The following CC2D2B variants were observed in gnomAD, a reference collection of about 807,000 sequenced individuals.
CC2D2B encodes the protein coiled-coil and C2 domain containing 2B, also known as protein CC2D2B.
In CC2D2B, 128 loss-of-function variants were observed where a neutral mutation model predicts 161.2. That is an observed-to-expected ratio of 0.79 (90% CI 0.69 to 0.92). CC2D2B has a LOEUF of 0.92. CC2D2B is among the 40% of genes least tolerant of loss of function. The probability of loss-of-function intolerance (pLI) is 0.00; values close to 1 mark genes in which losing one functional copy is unlikely to be tolerated. For missense variants in CC2D2B, 1,173 were observed against 1,375.1 expected, an observed-to-expected ratio of 0.85 and a Z score of 2.32; for synonymous variants, 391 against 449.8, an observed-to-expected ratio of 0.87 and a Z score of 1.65.
chr10:95,964,057 G>A (rs2076858219), intron 12 of CC2D2B, among the ~76,000 whole-genome samples: 1 of 152,148 alleles, frequency 6.6e-6, no homozygotes, highest in Non-Finnish European at 1.5e-5. Flanking sequence ...GTCTTCACTT[G>A]TGCTCTCTGT....
intron 2 of CC2D2B, among the ~76,000 whole-genome samples, chr10:95,915,348 C>T (rs1195210585): frequency 2.6e-5 from 4 of 152,078 alleles, no homozygotes; most frequent in African/African-American, 9.7e-5. Flanking sequence ...ATTATATCAT[C>T]TCCAAACAAG....
chr10:95,912,010 C>T (rs151287855), intron 2 of CC2D2B, among the ~76,000 whole-genome samples: 105 of 152,188 alleles, frequency 6.9e-4, no homozygotes, highest in African/African-American at 1.8e-3. Context: ...GGTACAAGAA[C>T]GAATAGTAGA....
rs1331959130 is a variant in CC2D2B, at chr10:95,996,255, A to C, written c.2849+3A>C. 3 of 1,324,332 alleles carry C rather than the reference A, an allele frequency of 2.3e-6. No individual in the cohort carries two copies. The highest frequency in any genetic ancestry group is 2.0e-6 in the Non-Finnish European group (2 of 982,822). 82.0% of individuals were successfully genotyped at this position (1,324,332 alleles called of 1,614,324 possible). A position where few individuals can be genotyped will look rare whatever the true frequency, so the allele number is the denominator to read the frequency against. ...GAAGAAATTAAAGTAGATTTTGTGTAAGTTGGAGTTCATTTTTCCATAGCT... is the reference window on the plus strand; with the variant it reads ...GAAGAAATTAAAGTAGATTTTGTGTCAGTTGGAGTTCATTTTTCCATAGCT... On this transcript the variant is annotated splice_donor_region_variant and intron_variant, in intron 24 of 34. Coordinates refer to ENST00000646931, the MANE Select transcript of CC2D2B (RefSeq NM_001349008.3).
intron 22 of CC2D2B, among the ~76,000 whole-genome samples, chr10:95,994,651 T>G (rs939540336): frequency 2.0e-5 from 3 of 152,318 alleles, no homozygotes; most frequent in Non-Finnish European, 4.4e-5. Flanking sequence ...CAAGGAGCCC[T>G]CAAGCGGCCC....
At position 95,935,484 on chromosome 10, in the gene CC2D2B, A is replaced by ATT. The variant is rs58521001; in HGVS notation, c.337-2492_337-2491dup. 2.4e-3 allele frequency among the ~76,000 whole-genome samples: 343 copies of ATT among 140,092 alleles called. 8 individuals are homozygous for ATT. Among genetic ancestry groups the ATT allele is most frequent in the Admixed American group, 0.016 (223 of 14,078 alleles). The allele number at this position is 140,092 out of a possible 152,430, so 91.9% of individuals were successfully genotyped here. On this transcript the variant is annotated intron_variant, in intron 6 of 34. Coordinates refer to ENST00000646931, the MANE Select transcript of CC2D2B (RefSeq NM_001349008.3). ...GTGACCTTGTTAAAATCTAAGACAGATTTTTTTTTTTTTTTTGCTTACACT... is the reference window on the plus strand; with the variant it reads ...GTGACCTTGTTAAAATCTAAGACAGATTTTTTTTTTTTTTTTTTGCTTACACT...
chr10:95,918,527 G>C (rs566240475), intron 2 of CC2D2B, among the ~76,000 whole-genome samples: 1 of 152,202 alleles, frequency 6.6e-6, no homozygotes, highest in Admixed American at 6.5e-5. Context: ...CTTTTCCCTT[G>C]CTGCTTTTAG....
chr10:95,929,639 T>G (rs551667990), intron 6 of CC2D2B, among the ~76,000 whole-genome samples: 1 of 152,342 alleles, frequency 6.6e-6, no homozygotes, highest in Admixed American at 6.5e-5. Flanking sequence ...CCAACACCAT[T>G]GATTAAATAG....
At chr10:96,018,809 T>A (rs866766166) in intron 30 of CC2D2B, 1 of 153,562 alleles carries the variant, frequency 6.5e-6, no homozygotes, top group Non-Finnish European at 1.4e-5. Flanking sequence ...GTTGTTTGTT[T>A]GTTATTGAGA....
intron 19 of CC2D2B, among the ~76,000 whole-genome samples, chr10:95,985,384 A>G (rs2077677540): frequency 6.6e-6 from 1 of 152,202 alleles, no homozygotes; most frequent in Admixed American, 6.5e-5. Context: ...GATTTCATGG[A>G]CATTTATTAG....
chr10:95,997,782 C>G (rs900272325), intron 24 of CC2D2B, among the ~76,000 whole-genome samples: 2 of 152,116 alleles, frequency 1.3e-5, no homozygotes, highest in African/African-American at 4.8e-5. Flanking sequence ...TAGCAAGTTC[C>G]CAGTGGTTCT....
chr10:95,921,955 A>G (rs1264234877), intron 2 of CC2D2B, 61 bp from the exon 3 acceptor site: 1 of 892,644 alleles, frequency 1.1e-6, no homozygotes, highest in South Asian at 1.7e-5. Flanking sequence ...TAATAATAAT[A>G]ATAAAAGATG....
At chr10:95,930,697 T>C (rs1316011638) in intron 6 of CC2D2B, among the ~76,000 whole-genome samples, 4 of 152,238 alleles carry the variant, frequency 2.6e-5, no homozygotes, top group Non-Finnish European at 5.9e-5. Context: ...GTTTATTGAT[T>C]TTCATATGTG....
chr10:95,971,718 A>G (rs1376864148), intron 15 of CC2D2B, among the ~76,000 whole-genome samples: 2 of 152,212 alleles, frequency 1.3e-5, no homozygotes, highest in Non-Finnish European at 2.9e-5. Flanking sequence ...AATGAGAATA[A>G]TATTTATTTC....
At chr10:95,921,026 C>T (rs1423460619) in intron 2 of CC2D2B, 1 of 152,652 alleles carries the variant, frequency 6.6e-6, no homozygotes, top group Non-Finnish European at 1.5e-5. Flanking sequence ...CAGCTGGTGT[C>T]TCACTGGATC....
intron 24 of CC2D2B, chr10:96,000,062 C>G: frequency 6.8e-7 from 1 of 1,476,290 alleles, no homozygotes; most frequent in Non-Finnish European, 9.0e-7. Context: ...GTAGACTCTT[C>G]CAGTTTTGCC....
intron 4 of CC2D2B, 106 bp downstream of exon 4, chr10:95,924,496 G>C: frequency 1.6e-6 from 1 of 611,954 alleles, no homozygotes; most frequent in Non-Finnish European, 2.8e-6. Flanking sequence ...TGTTAATATA[G>C]CTCCTTAATT....
rs2080109148 is a variant in CC2D2B, at chr10:96,032,946, A to C, written c.*938A>C. On this transcript the variant is annotated 3_prime_UTR_variant, in exon 35 of 35. Transcript: ENST00000646931. ...CTAAGAGCCCCTCAAGAAAGACTGGACAGGGGTCTAAGTAGGAAGCACTAT... is the reference window on the plus strand; with the variant it reads ...CTAAGAGCCCCTCAAGAAAGACTGGCCAGGGGTCTAAGTAGGAAGCACTAT... 6.6e-6 allele frequency among the ~76,000 whole-genome samples: 1 copy of C among 152,194 alleles called. No individual in the cohort carries two copies. The highest frequency in any genetic ancestry group is 2.4e-5 in the African/African-American group (1 of 41,436).
rs561029222 is a variant in CC2D2B at position 96,016,313 on chromosome 10, A to C, written c.3629A>C (p.Glu1210Ala). 642 of 1,561,256 alleles carry C rather than the reference A, an allele frequency of 4.1e-4. 8 individuals carry two copies. The South Asian group carries it at 6.5e-3, about 16-fold the overall frequency. The change falls in exon 30 of 35, where the codon GAA (glutamate) becomes GCA (alanine). Residue 1210 changes from glutamate (E) to alanine (A), a missense_variant and splice_region_variant. This residue lies in a region of CC2D2B where 598 missense variants were observed against 693.2 expected (regional missense o/e 0.86). Transcript: ENST00000646931. ...ALVLLGTSVL[E>A]GHVAYVVTQE... ...GTCCTCTTGGGAACGTCAGTGTTAGAAGTAAGTGCTGGAGTTCATATTGAA... is the reference window on the plus strand; with the variant it reads ...GTCCTCTTGGGAACGTCAGTGTTAGCAGTAAGTGCTGGAGTTCATATTGAA...
intron 17 of CC2D2B, among the ~76,000 whole-genome samples, chr10:95,977,420 C>A (rs780409419): frequency 6.6e-6 from 1 of 150,630 alleles, no homozygotes; most frequent in Non-Finnish European, 1.5e-5. Context: ...ACAAAAAAAA[C>A]ACCACACCTC....
Sources: allele counts gnomAD v4.1 joint callset (sites outside exome capture counted in the v4.1 genomes callset), GRCh38; gene constraint gnomAD v4.1.1; regional missense constraint gnomAD v4.1.1; transcripts MANE v1.5; gene names NCBI Gene and HGNC (gene_info 2026-07-23, HGNC 2026-07-21).